Variants in ARL17B observed in about 807,000 individuals in gnomAD.
The protein encoded by ARL17B is ARF like GTPase 17B, also known as ADP-ribosylation factor-like protein 17.
At chr17:46,306,126 A>G (rs2050553903) in intron 3 of ARL17B, 1 of 220,754 alleles carries the variant, frequency 4.5e-6, no homozygotes. Context: ...GCATAGAGAA[A>G]GGATTGAGGT....
At chr17:46,332,230 G>A (rs2144078825), downstream of ARL17B, among the ~76,000 whole-genome samples, 1 of 40,996 alleles carries the variant, frequency 2.4e-5, no homozygotes, top group Admixed American at 2.6e-4. Context: ...AAGGTGGGTG[G>A]ATTACTTGAA....
intron 4 of ARL17B, among the ~76,000 whole-genome samples, chr17:46,288,774 G>A (rs79317092): frequency 4.1e-5 from 6 of 148,028 alleles, no homozygotes; most frequent in African/African-American, 1.5e-4. Flanking sequence ...CACAATCTCG[G>A]CTCAGTGTAC....
At chr17:46,290,070 G>A (rs1567857366) in intron 4 of ARL17B, among the ~76,000 whole-genome samples, 1 of 152,266 alleles carries the variant, frequency 6.6e-6, no homozygotes. Context: ...AGTGAGCTGT[G>A]ATGGCACCAC....
chr17:46,288,155 A>ACTCTTTT (rs2049968363), intron 4 of ARL17B, among the ~76,000 whole-genome samples: 2 of 139,800 alleles, frequency 1.4e-5, no homozygotes, highest in Non-Finnish European at 3.3e-5. Context: ...GTTACCACTA[A>ACTCTTTT]CTTTTTTCTT....
intron 4 of ARL17B, among the ~76,000 whole-genome samples, chr17:46,282,203 T>C (rs544866080): frequency 5.0e-4 from 76 of 151,966 alleles, no homozygotes; most frequent in African/African-American, 1.6e-3. Context: ...CCCGGGTTCA[T>C]GCCATTCTCC....
chr17:46,287,283 C>T (rs2696497), intron 4 of ARL17B, among the ~76,000 whole-genome samples: 21,614 of 151,716 alleles, frequency 0.14, 1,899 homozygotes, highest in Non-Finnish European at 0.22. Context: ...TGAATGTGTG[C>T]AAAACTGTAA....
At chr17:46,340,508 G>A (rs1281224075) in intron 3 of ARL17B, among the ~76,000 whole-genome samples, 4 of 66,600 alleles carry the variant, frequency 6.0e-5, no homozygotes, top group Admixed American at 4.4e-4. Context: ...GAGCTACCGC[G>A]CCTGGCTTGT....
rs1459571355 is a variant in ARL17B, at chr17:46,327,231, CT to C, written c.259+25588del. 1.6e-4 allele frequency among the ~76,000 whole-genome samples: 12 copies of C among 73,878 alleles called. No homozygotes were observed. The East Asian group carries it at 3.1e-3, about 19-fold the overall frequency. 48.5% of individuals were successfully genotyped at this position (73,878 alleles called of 152,430 possible). On this transcript the variant is annotated intron_variant, in intron 3 of 4. Coordinates refer to the ARL17B transcript ENST00000434041. ...TTCCTGCCTCGTAACCGCAGATGGCCTGTAATACTAAGTTTGATCACTTGAC... is the reference window on the plus strand; with the variant it reads ...TTCCTGCCTCGTAACCGCAGATGGCCGTAATACTAAGTTTGATCACTTGAC...
In ARL17B at chr17:46,308,950, G is replaced by C. The variant is rs2143690862; in HGVS notation, c.260-9285C>G. ...TTTTTTTAATGTTTTTACTAGATAA[G>C]GCTCAGGCCCCACAAAATCCTGAAA... is the stretch of plus-strand genomic sequence containing the variant. On this transcript the variant is annotated intron_variant, in intron 3 of 4. Transcript: ENST00000434041. 2.9e-5 allele frequency among the ~76,000 whole-genome samples: 2 copies of C among 68,332 alleles called. 1 individual carries two copies. Among genetic ancestry groups the C allele is most frequent in the Non-Finnish European group, 8.7e-5 (2 of 22,878 alleles). The allele number at this position is 68,332 out of a possible 152,430, so 44.8% of individuals were successfully genotyped here.
chr17:46,280,299 G>C (rs1428733381), intron 4 of ARL17B, among the ~76,000 whole-genome samples: 1 of 152,152 alleles, frequency 6.6e-6, no homozygotes, highest in Non-Finnish European at 1.5e-5. Context: ...GGGAAGCGGA[G>C]GTTGCAGTGA....
At chr17:46,291,835 C>T (rs1157397979) in intron 4 of ARL17B, among the ~76,000 whole-genome samples, 1 of 151,958 alleles carries the variant, frequency 6.6e-6, no homozygotes, top group Non-Finnish European at 1.5e-5. Flanking sequence ...ATGGCACGCG[C>T]CTGTAGTCCC....
downstream of ARL17B, among the ~76,000 whole-genome samples, chr17:46,332,870 G>C (rs538416912): frequency 7.3e-5 from 11 of 150,408 alleles, no homozygotes; most frequent in African/African-American, 2.7e-4. Flanking sequence ...TCTGTGAATT[G>C]AAACCAAGTG....
Position 46,283,491 on chromosome 17 carries a change from G to C in ARL17B, c.*22-8073C>G, listed in dbSNP as rs572316181. ...ACTACATCAATGAACCCAAAAGTCA[G>C]TTTTAAATGCGATACATGAAATACT... is the stretch of plus-strand genomic sequence containing the variant. On this transcript the variant is annotated intron_variant, in intron 4 of 4. Transcript: ENST00000570618. Among the ~76,000 whole-genome samples, 542 of 152,272 alleles carry C rather than the reference G, an allele frequency of 3.6e-3. 3 individuals are homozygous for C. The highest frequency in any genetic ancestry group is 5.4e-3 in the Non-Finnish European group (366 of 67,976).
At chr17:46,292,487 A>G (rs1267820481) in intron 4 of ARL17B, among the ~76,000 whole-genome samples, 2 of 79,988 alleles carry the variant, frequency 2.5e-5, no homozygotes, top group Non-Finnish European at 3.8e-5. Context: ...AGTGCAGGGT[A>G]TTTCCGGGGC....
chr17:46,324,158 C>T (rs2051576143), intron 3 of ARL17B, among the ~76,000 whole-genome samples: 1 of 116,964 alleles, frequency 8.5e-6, no homozygotes, highest in South Asian at 3.4e-4. Context: ...GTAATCCCAG[C>T]TACTCAGGAG....
At chr17:46,317,133 T>TC (rs1483781791) in intron 3 of ARL17B, among the ~76,000 whole-genome samples, 7 of 89,132 alleles carry the variant, frequency 7.9e-5, no homozygotes, top group Admixed American at 1.2e-4. Context: ...TGGGTACACC[T>TC]CCCAGATGGG....
chr17:46,289,595 CT>C (rs2050012000), intron 4 of ARL17B, among the ~76,000 whole-genome samples: 1 of 152,182 alleles, frequency 6.6e-6, no homozygotes, highest in Non-Finnish European at 1.5e-5. Flanking sequence ...CCACCTTGGC[CT>C]CCCAAAGTGC....
chr17:46,289,467 C>A (rs1389286207), intron 4 of ARL17B, among the ~76,000 whole-genome samples: 4 of 152,126 alleles, frequency 2.6e-5, no homozygotes, highest in Non-Finnish European at 4.4e-5. Flanking sequence ...CACTTGTACC[C>A]AGCCATAAGA....
In ARL17B at chr17:46,324,854, T is replaced by TTA. The variant is rs1387781322; in HGVS notation, c.260-25191_260-25190dup. Among the ~76,000 whole-genome samples, 350 of 74,648 alleles carry TTA rather than the reference T, an allele frequency of 4.7e-3. 75 individuals carry two copies. Among genetic ancestry groups the TTA allele is most frequent in the African/African-American group, 0.011 (336 of 29,302 alleles). The allele number at this position is 74,648 out of a possible 152,430, so 49.0% of individuals were successfully genotyped here. ...GACCCTGTCTAAAATATATATATAT[T>TTA]TATATATATGTACGTGTATATATGT... On this transcript the variant is annotated intron_variant, in intron 3 of 4. Coordinates refer to the ARL17B transcript ENST00000434041.
Sources: gnomAD v4.1 joint callset for allele counts (sites outside exome capture counted in the v4.1 genomes callset) on GRCh38, gnomAD v4.1.1 for gene constraint, MANE v1.5 for transcripts, NCBI Gene and HGNC (gene_info 2026-07-23, HGNC 2026-07-21) for gene names.